Variants in DHX57 observed in about 807,000 individuals in gnomAD.
DHX57 encodes the protein putative ATP-dependent RNA helicase DHX57.
In DHX57, 105 loss-of-function variants were observed where a neutral mutation model predicts 156.2. The observed-to-expected ratio is 0.67, with a 90% CI of 0.57 to 0.79. The LOEUF is 0.79. Ranked by LOEUF, DHX57 falls within the 30% of genes least tolerant of loss-of-function variation. DHX57 has a pLI of 0.00. For synonymous variants in DHX57, 704 were observed against 595.6 expected, an observed-to-expected ratio of 1.18 and a Z score of -2.65; for missense variants, 1,847 against 1,661.9, an observed-to-expected ratio of 1.11 and a Z score of -1.94.
intron 1 of DHX57, among the ~76,000 whole-genome samples, chr2:38,869,078 A>C (rs1273805073): frequency 6.6e-6 from 1 of 152,226 alleles, no homozygotes; most frequent in Non-Finnish European, 1.5e-5. Flanking sequence ...CTTGGATTAC[A>C]GGTGTGAGCC....
At chr2:38,846,716 A>G (rs1295615506) in intron 11 of DHX57, among the ~76,000 whole-genome samples, 2 of 152,162 alleles carry the variant, frequency 1.3e-5, no homozygotes, top group African/African-American at 2.4e-5. Context: ...GTTCAAACAG[A>G]AAAAATAGAA....
chr2:38,803,758 G>T (rs1282812606), intron 22 of DHX57, among the ~76,000 whole-genome samples: 1 of 149,886 alleles, frequency 6.7e-6, no homozygotes, highest in Non-Finnish European at 1.5e-5. Flanking sequence ...CAAAGTCCTG[G>T]GATTACAGGT....
chr2:38,815,688 C>T, intron 19 of DHX57, 33 bp from the exon 20 acceptor site: 1 of 1,613,470 alleles, frequency 6.2e-7, no homozygotes, highest in Non-Finnish European at 8.5e-7. Flanking sequence ...TAAGCAAGGG[C>T]ATCAGCATAA....
At chr2:38,805,851 G>A (rs748737768) in intron 22 of DHX57, among the ~76,000 whole-genome samples, 28 of 152,182 alleles carry the variant, frequency 1.8e-4, no homozygotes, top group Admixed American at 1.3e-3. Context: ...TGGGGTCTGC[G>A]TCTGTGTGTA....
chr2:38,833,172 T>C (rs1300723308), intron 13 of DHX57, among the ~76,000 whole-genome samples: 9 of 152,000 alleles, frequency 5.9e-5, no homozygotes, highest in Admixed American at 5.9e-4. Context: ...GGTGGAGTCT[T>C]GCTCTTGTAG....
intron 21 of DHX57, 103 bp downstream of exon 21, chr2:38,813,718 C>A (rs563274378): frequency 7.5e-7 from 1 of 1,339,376 alleles, no homozygotes; most frequent in African/African-American, 1.5e-5. Flanking sequence ...TGCACACATG[C>A]GTATATATCT....
At chr2:38,847,144 T>C (rs1672330968) in intron 10 of DHX57, 71 bp from the exon 11 acceptor site, 4 of 1,214,484 alleles carry the variant, frequency 3.3e-6, no homozygotes, top group African/African-American at 1.5e-5. Flanking sequence ...AGTTTATATA[T>C]ATAAAATTCT....
chr2:38,863,482 G>C lies in DHX57; in HGVS notation c.262C>G (p.Pro88Ala), dbSNP rs755622713. Residue 88 changes from proline to alanine, a missense_variant, in exon 3 of 24, where the codon CCA becomes GCA. Pro to Ala is a conservative substitution (Grantham distance 27). Transcript: ENST00000457308. Reference sequence around the variant, plus strand: ...ACTTTGGCTTTGGGTTTCCATTTTGGGCGTGACTCTCCTTTGCTTATGTTA... The same window carrying C: ...ACTTTGGCTTTGGGTTTCCATTTTGCGCGTGACTCTCCTTTGCTTATGTTA... ...NSNISKGESR[P>A]KWKPKAKVPL... The C allele has an allele frequency of 1.9e-6, 3 of 1,613,780 alleles. No homozygotes were observed. The highest frequency in any genetic ancestry group is 2.7e-5 in the African/African-American group (2 of 74,948).
intron 2 of DHX57, among the ~76,000 whole-genome samples, chr2:38,864,941 G>A (rs965204453): frequency 1.3e-5 from 2 of 152,014 alleles, no homozygotes; most frequent in Admixed American, 1.3e-4. Context: ...CATTTTCCTT[G>A]ACCTACCAGA....
In DHX57 at chr2:38,863,453, G is replaced by A; in HGVS notation, c.291C>T (p.Pro97=). The A allele has an allele frequency of 6.2e-7, 1 of 1,614,026 alleles. No homozygotes were observed. The highest frequency in any genetic ancestry group is 8.5e-7 in the Non-Finnish European group (1 of 1,179,996). Residue 97 remains proline (P), a synonymous_variant, in exon 3 of 24, where the codon CCC becomes CCT. Transcript: ENST00000457308. Reference sequence around the variant, plus strand: ...CAGAAGTCATATGTAGAGTCTGAAGGGGTACTTTGGCTTTGGGTTTCCATT... The same window carrying A: ...CAGAAGTCATATGTAGAGTCTGAAGAGGTACTTTGGCTTTGGGTTTCCATT... ...RPKWKPKAKV[P]LQTLHMTSEN...
intron 12 of DHX57, among the ~76,000 whole-genome samples, chr2:38,841,895 G>A (rs1426598220): frequency 6.6e-6 from 1 of 152,060 alleles, no homozygotes; most frequent in East Asian, 1.9e-4. Context: ...CTCAGCACAG[G>A]GTAGGCCTCA....
At chr2:38,823,534 A>G (rs1572643443) in intron 16 of DHX57, among the ~76,000 whole-genome samples, 1 of 152,202 alleles carries the variant, frequency 6.6e-6, no homozygotes, top group East Asian at 1.9e-4. Flanking sequence ...GTTCATGACA[A>G]AAGATAATAA....
chr2:38,825,084 A>G (rs1160933156), intron 16 of DHX57, among the ~76,000 whole-genome samples: 6 of 152,254 alleles, frequency 3.9e-5, no homozygotes, highest in Non-Finnish European at 8.8e-5. Flanking sequence ...CAAATTATGA[A>G]TATCGGCAAC....
intron 16 of DHX57, 106 bp downstream of exon 16, chr2:38,825,741 C>G: frequency 1.8e-6 from 2 of 1,133,286 alleles, no homozygotes; most frequent in Non-Finnish European, 2.6e-6. Context: ...TATTGGTGGT[C>G]ATTCTTAGCC....
Position 38,862,342 on chromosome 2 carries a change from G to T in DHX57, c.384-9C>A. ...CCCCAGAAAGGCCTCTTCTAGCAAA[G>T]GCAACATTTTCATATATTAGATATT... On this transcript the variant is annotated splice_polypyrimidine_tract_variant and intron_variant, in intron 3 of 23. Coordinates refer to ENST00000457308, the MANE Select transcript of DHX57 (RefSeq NM_198963.3). 1 of 1,549,648 alleles carries T rather than the reference G, an allele frequency of 6.5e-7. No individual in the cohort carries two copies. Among genetic ancestry groups the T allele is most frequent in the Non-Finnish European group, 8.7e-7 (1 of 1,143,104 alleles).
At chr2:38,810,130 G>C (rs1254815895) in intron 21 of DHX57, among the ~76,000 whole-genome samples, 1 of 151,474 alleles carries the variant, frequency 6.6e-6, no homozygotes, top group Admixed American at 6.6e-5. Flanking sequence ...CCTGACCTCA[G>C]GTGATCTGCC....
chr2:38,815,011 C>T lies in DHX57; in HGVS notation c.3606+510G>A, dbSNP rs548952385. ...TGCTGGGATTACAGGCATGAGCCAC[C>T]GTGCCCAGCCCCCTCTATTCTTATG... On this transcript the variant is annotated intron_variant, in intron 20 of 23. Transcript: ENST00000457308. 3.3e-5 allele frequency among the ~76,000 whole-genome samples: 5 copies of T among 151,780 alleles called. No homozygotes were observed. The East Asian group carries it at 9.8e-4, about 30-fold the overall frequency.
At chr2:38,868,017 C>T (rs747053450) in intron 2 of DHX57, among the ~76,000 whole-genome samples, 165 bp downstream of exon 2, 4 of 152,176 alleles carry the variant, frequency 2.6e-5, no homozygotes, top group Non-Finnish European at 4.4e-5. Context: ...CCTACATACA[C>T]ACAAAAGCTG....
intron 1 of DHX57, among the ~76,000 whole-genome samples, chr2:38,870,960 GAAGGTA>G (rs1665325858): frequency 6.6e-6 from 1 of 151,274 alleles, no homozygotes; most frequent in Admixed American, 6.6e-5. Flanking sequence ...TTTCAAAAAT[GAAGGTA>G]AAATGAAAAC....
Sources: gnomAD v4.1 joint callset for allele counts (sites outside exome capture counted in the v4.1 genomes callset) on GRCh38, gnomAD v4.1.1 for gene constraint, MANE v1.5 for transcripts, NCBI Gene and HGNC (gene_info 2026-07-23, HGNC 2026-07-21) for gene names.